Variants in ELP4 observed in about 807,000 individuals in gnomAD.
ELP4 encodes the protein elongator acetyltransferase complex subunit 4.
Under a neutral mutation model 48.9 loss-of-function variants are expected in ELP4, and 51 were observed. The observed-to-expected ratio is 1.04, with a 90% confidence interval of 0.83 to 1.32. The LOEUF (loss-of-function observed/expected upper bound fraction) is 1.32, where lower values mean the gene tolerates loss of function less well. Ranked by LOEUF, ELP4 falls within the 40% of genes most tolerant of loss-of-function variation. The probability of loss-of-function intolerance (pLI) is 0.00; values close to 1 mark genes in which losing one functional copy is unlikely to be tolerated. For missense variants in ELP4, 519 were observed against 514.6 expected (o/e 1.01, Z -0.08); for synonymous variants, 210 against 189.2 (o/e 1.11, Z -0.90).
intron 9 of ELP4, chr11:31,707,497 TA>T (rs2134166294): frequency 6.6e-6 from 1 of 152,432 alleles, no homozygotes; most frequent in East Asian, 1.9e-4. Flanking sequence ...TTCTGTAATT[TA>T]CTATGTTAAT....
chr11:31,611,093 T>C (rs1191082859), intron 5 of ELP4, among the ~76,000 whole-genome samples: 4 of 152,224 alleles, frequency 2.6e-5, no homozygotes, highest in Non-Finnish European at 5.9e-5. Context: ...TTGGTCTTGC[T>C]CTTTGCTCTT....
intron 3 of ELP4, among the ~76,000 whole-genome samples, chr11:31,588,844 G>A (rs1348709077): frequency 3.9e-5 from 6 of 152,114 alleles, no homozygotes; most frequent in East Asian, 3.9e-4. Context: ...TTAGCTGGGC[G>A]TGGTGGCGCA....
chr11:31,658,649 G>A (rs928863144), intron 9 of ELP4, among the ~76,000 whole-genome samples: 5 of 151,802 alleles, frequency 3.3e-5, no homozygotes, highest in Admixed American at 3.3e-4. Context: ...TAAGTTCTAT[G>A]TTCAGGTACT....
chr11:31,710,537 A>G (rs1946718634), intron 9 of ELP4, among the ~76,000 whole-genome samples: 1 of 151,876 alleles, frequency 6.6e-6, no homozygotes, highest in Non-Finnish European at 1.5e-5. Flanking sequence ...AGACAGGAGA[A>G]TTGCTTGAAC....
At chr11:31,589,829 C>A (rs1467599520) in intron 3 of ELP4, among the ~76,000 whole-genome samples, 1 of 152,076 alleles carries the variant, frequency 6.6e-6, no homozygotes, top group Non-Finnish European at 1.5e-5. Flanking sequence ...CACTTGTCCA[C>A]AAAAAACATC....
chr11:31,578,088 T>TC (rs1957318141), intron 3 of ELP4, among the ~76,000 whole-genome samples: 1 of 152,194 alleles, frequency 6.6e-6, no homozygotes, highest in Admixed American at 6.5e-5. Flanking sequence ...ATAAGCAACT[T>TC]CAGCAAAGTC....
chr11:31,712,959 TTC>T (rs1306713895), intron 9 of ELP4, among the ~76,000 whole-genome samples: 2 of 152,188 alleles, frequency 1.3e-5, no homozygotes, highest in African/African-American at 4.8e-5. Flanking sequence ...AATCCCTTTG[TTC>T]TCTGATTCTT....
intron 7 of ELP4, chr11:31,647,029 T>TA: frequency 6.6e-6 from 1 of 151,960 alleles, no homozygotes; most frequent in South Asian, 2.1e-4. Flanking sequence ...TGACATTTAT[T>TA]AAAATGTATT....
In ELP4 at chr11:31,539,732, G is replaced by T; in HGVS notation, c.330G>T (p.Gly110=). 6.2e-7 allele frequency: 1 copy of T among 1,611,316 alleles called. No individual in the cohort carries two copies. The highest frequency in any genetic ancestry group is 8.5e-7 in the Non-Finnish European group (1 of 1,178,644). ...TCCTGGCAGAAGGAATTGTCAATGG[G>T]CATACTTTGTTGGTTGCATCTGCTA... ...KYFLAEGIVN[G]HTLLVASAKE... Residue 110 remains glycine (G), a synonymous_variant, in exon 3 of 10, where the codon GGG becomes GGT. Coordinates refer to ENST00000640961, the MANE Select transcript of ELP4 (RefSeq NM_019040.5).
chr11:31,588,639 T>TTAA (rs1350635489), intron 3 of ELP4, among the ~76,000 whole-genome samples: 2 of 152,210 alleles, frequency 1.3e-5, no homozygotes, highest in East Asian at 3.8e-4. Flanking sequence ...AAAACTTTTA[T>TTAA]GTTTTTCAAA....
Position 31,647,758 on chromosome 11 carries a change from C to T in ELP4, c.945C>T (p.Ala315=), listed in dbSNP as rs1442091064. 1.2e-6 allele frequency: 2 copies of T among 1,607,686 alleles called. No individual in the cohort carries two copies. Among genetic ancestry groups the T allele is most frequent in the Admixed American group, 1.7e-5 (1 of 59,768 alleles). Residue 315 remains alanine (A), a synonymous_variant, in exon 8 of 10, where the codon GCC becomes GCT. Coordinates refer to ENST00000640961, the MANE Select transcript of ELP4 (RefSeq NM_019040.5). ...THLIQNKAII[A]RVTTLSDVVV... Reference sequence around the variant, plus strand: ...TTTTGCAGAATAAAGCCATTATTGCCCGTGTCACAACCTTGTCAGATGTAG... The same window carrying T: ...TTTTGCAGAATAAAGCCATTATTGCTCGTGTCACAACCTTGTCAGATGTAG...
In ELP4 at chr11:31,656,765, G is replaced by C. The variant is rs144565049; in HGVS notation, c.1143+6544G>C. On this transcript the variant is annotated intron_variant, in intron 9 of 9. Transcript: ENST00000640961. ...CCTCAGCATTGTCTAAATATGCAAA[G>C]GGGAAAAGGTCTCTTCTCCCTTCTT... Among the ~76,000 whole-genome samples, 25 of 152,042 alleles carry C rather than the reference G, an allele frequency of 1.6e-4. No individual in the cohort carries two copies. In the East Asian group the frequency reaches 4.9e-3, roughly 30 times the overall value.
intron 9 of ELP4, among the ~76,000 whole-genome samples, chr11:31,693,817 G>T (rs1946336096): frequency 6.6e-6 from 1 of 152,142 alleles, no homozygotes; most frequent in South Asian, 2.1e-4. Flanking sequence ...ATCTTCTCCA[G>T]CAACTGTTGT....
At position 31,787,330 on chromosome 11, in the gene ELP4, C is replaced by T; in HGVS notation, c.*3806C>T. ...TGCACACATACAGACCCTCCGCTCC[C>T]ACGTCACTCCTTTTCTCCCATTCCC... On this transcript the variant is annotated 3_prime_UTR_variant, in exon 10 of 10. Coordinates refer to ENST00000640961, the MANE Select transcript of ELP4 (RefSeq NM_019040.5). 4.3e-6 allele frequency: 1 copy of T among 233,508 alleles called. No individual in the cohort carries two copies. The highest frequency in any genetic ancestry group is 6.0e-5 in the East Asian group (1 of 16,582). 14.5% of individuals were successfully genotyped at this position (233,508 alleles called of 1,614,324 possible). A position where few individuals can be genotyped will look rare whatever the true frequency, so the allele number is the denominator to read the frequency against.
At chr11:31,737,267 A>G (rs1307867725) in intron 9 of ELP4, among the ~76,000 whole-genome samples, 3 of 152,094 alleles carry the variant, frequency 2.0e-5, no homozygotes, top group African/African-American at 7.2e-5. Flanking sequence ...GAATTGAACT[A>G]TGAGAACACA....
chr11:31,727,864 A>AG, intron 9 of ELP4: 1 of 152,304 alleles, frequency 6.6e-6, no homozygotes, highest in South Asian at 2.1e-4. Flanking sequence ...GCATAGCATC[A>AG]AGCATTCAGA....
intron 2 of ELP4, among the ~76,000 whole-genome samples, chr11:31,532,788 T>G (rs1468759209): frequency 4.0e-5 from 6 of 149,436 alleles, no homozygotes; most frequent in South Asian, 2.1e-4. Flanking sequence ...TTTTTTTTTT[T>G]GAAATGGAGT....
At chr11:31,735,731 T>A (rs1947298134) in intron 9 of ELP4, among the ~76,000 whole-genome samples, 1 of 152,020 alleles carries the variant, frequency 6.6e-6, no homozygotes, top group African/African-American at 2.4e-5. Flanking sequence ...CACAATTGCT[T>A]CAAAGAGAAT....
intron 9 of ELP4, among the ~76,000 whole-genome samples, chr11:31,695,518 G>A (rs1345244125): frequency 1.1e-4 from 17 of 151,434 alleles, no homozygotes; most frequent in Non-Finnish European, 2.2e-4. Context: ...CAACTTGATC[G>A]TGGTGTATAA....
Sources: allele counts gnomAD v4.1 joint callset (sites outside exome capture counted in the v4.1 genomes callset), GRCh38; gene constraint gnomAD v4.1.1; transcripts MANE v1.5; gene names NCBI Gene and HGNC (gene_info 2026-07-23, HGNC 2026-07-21).